RAP2A: variants seen among roughly 807,000 people sequenced by gnomAD.
RAP2A encodes the protein RAP2A, member of RAS oncogene family.
Under a neutral mutation model 15.1 loss-of-function variants are expected in RAP2A, and 5 were observed. The observed-to-expected ratio is 0.33, with a 90% CI of 0.17 to 0.70. The LOEUF is 0.70. Ranked by LOEUF, RAP2A falls within the 30% of genes least tolerant of loss-of-function variation. The probability of loss-of-function intolerance (pLI) is 0.68; values close to 1 mark genes in which losing one functional copy is unlikely to be tolerated. For synonymous variants in RAP2A, 110 were observed against 99.7 expected (o/e 1.10, Z -0.62); for missense variants, 111 against 240.3 (o/e 0.46, Z 3.56).
intron 1 of RAP2A, among the ~76,000 whole-genome samples, chr13:97,447,666 G>C (rs1181836625): frequency 6.6e-6 from 1 of 152,162 alleles, no homozygotes; most frequent in African/African-American, 2.4e-5. Flanking sequence ...ATCCAAAAAT[G>C]CGTTTTTAGC....
At chr13:97,445,527 T>C (rs978414514) in intron 1 of RAP2A, among the ~76,000 whole-genome samples, 2 of 152,238 alleles carry the variant, frequency 1.3e-5, no homozygotes, top group African/African-American at 4.8e-5. Flanking sequence ...ACCAATGATA[T>C]AAAACTTTTT....
intron 1 of RAP2A, among the ~76,000 whole-genome samples, chr13:97,447,087 A>T (rs1281591051): frequency 6.6e-6 from 1 of 152,208 alleles, no homozygotes; most frequent in East Asian, 1.9e-4. Context: ...AAAAAAATTT[A>T]TTGAAGATGA....
At chr13:97,450,781 A>G (rs2066699195) in intron 1 of RAP2A, among the ~76,000 whole-genome samples, 1 of 152,164 alleles carries the variant, frequency 6.6e-6, no homozygotes, top group Non-Finnish European at 1.5e-5. Context: ...CTGGCACTTT[A>G]CAGTGGAAAA....
rs1005505627 is a variant in RAP2A, at chr13:97,460,810, A to G, written c.315-3395A>G. On this transcript the variant is annotated intron_variant, in intron 1 of 1. Transcript: ENST00000245304. ...TCTGCTTTCCTAGGCCCCCATCACCATGGATGTTCAGCACAGGGACTCTGG... is the reference window on the plus strand; with the variant it reads ...TCTGCTTTCCTAGGCCCCCATCACCGTGGATGTTCAGCACAGGGACTCTGG... Among the ~76,000 whole-genome samples the G allele has an allele frequency of 2.0e-5, 3 of 152,140 alleles. No homozygotes were observed. The East Asian group carries it at 5.8e-4, about 30-fold the overall frequency.
In RAP2A at chr13:97,467,246, A is replaced by C. The variant is rs1455731298; in HGVS notation, c.*2804A>C. ...TAAACTGTGATAGTGATGGTAACTG[A>C]TGCCTTTCATTTTGTTCAACTTATA... On this transcript the variant is annotated 3_prime_UTR_variant, in exon 2 of 2. Transcript: ENST00000245304. 2 of 152,526 alleles carry C rather than the reference A, an allele frequency of 1.3e-5. No homozygotes were observed. The highest frequency in any genetic ancestry group is 4.8e-5 in the African/African-American group (2 of 41,420). The allele number at this position is 152,526 out of a possible 1,614,324, so 9.4% of individuals were successfully genotyped here. A position where few individuals can be genotyped will look rare whatever the true frequency, so the allele number is the denominator to read the frequency against.
chr13:97,452,225 T>C (rs1050245994), intron 1 of RAP2A, among the ~76,000 whole-genome samples: 6 of 151,368 alleles, frequency 4.0e-5, no homozygotes, highest in African/African-American at 1.5e-4. Flanking sequence ...TGAGGATCCA[T>C]TCTGCATATT....
At chr13:97,461,970 A>AT (rs1315214879) in intron 1 of RAP2A, among the ~76,000 whole-genome samples, 2,785 of 142,636 alleles carry the variant, frequency 0.02, 144 homozygotes, top group East Asian at 0.19. Flanking sequence ...CTCAAAAAAA[A>AT]AATATATATA....
chr13:97,436,023 C>T (rs984782869), intron 1 of RAP2A: 2 of 152,162 alleles, frequency 1.3e-5, no homozygotes, highest in African/African-American at 4.8e-5. Context: ...TTTAATGCAA[C>T]CTATGAGATC....
rs1308938495 is a variant in RAP2A at position 97,467,848 on chromosome 13, G to C, written c.*3406G>C. ...CTAATACAACTGACCATTTAAAATT[G>C]AACAAGTTTATTGTTTTGTAACAAT... On this transcript the variant is annotated 3_prime_UTR_variant, in exon 2 of 2. Coordinates refer to ENST00000245304, the MANE Select transcript of RAP2A (RefSeq NM_021033.7). The C allele has an allele frequency of 2.6e-5, 4 of 152,508 alleles. No homozygotes were observed. Among genetic ancestry groups the C allele is most frequent in the Non-Finnish European group, 5.9e-5 (4 of 68,012 alleles). 9.4% of individuals were successfully genotyped at this position (152,508 alleles called of 1,614,324 possible).
intron 1 of RAP2A, among the ~76,000 whole-genome samples, chr13:97,450,052 A>C (rs2066695997): frequency 6.6e-6 from 1 of 152,106 alleles, no homozygotes; most frequent in African/African-American, 2.4e-5. Flanking sequence ...ACAACAATAG[A>C]AAAATCTTGC....
chr13:97,445,993 T>C (rs1488453956), intron 1 of RAP2A, among the ~76,000 whole-genome samples: 2 of 152,246 alleles, frequency 1.3e-5, no homozygotes, highest in African/African-American at 2.4e-5. Flanking sequence ...TGCATCAGCA[T>C]ATCCTACTAA....
At chr13:97,460,345 G>A (rs992069284) in intron 1 of RAP2A, among the ~76,000 whole-genome samples, 1 of 152,212 alleles carries the variant, frequency 6.6e-6, no homozygotes, top group African/African-American at 2.4e-5. Context: ...CTGTGGGTGT[G>A]ACCCACCATG....
Position 97,439,224 on chromosome 13 carries a change from T to A in RAP2A, c.314+4440T>A, listed in dbSNP as rs141178529. On this transcript the variant is annotated intron_variant, in intron 1 of 1. Transcript: ENST00000245304. ...TGAAGGTTAAAGACTTAGGAGTTGA[T>A]CATGTAGTCAAGGACCATAATCACA... 6.2e-4 allele frequency among the ~76,000 whole-genome samples: 95 copies of A among 152,310 alleles called. No homozygotes were observed. In the East Asian group the frequency reaches 0.017, roughly 27 times the overall value.
At chr13:97,446,601 T>A (rs772824965) in intron 1 of RAP2A, among the ~76,000 whole-genome samples, 3 of 152,150 alleles carry the variant, frequency 2.0e-5, no homozygotes, top group Non-Finnish European at 4.4e-5. Context: ...ACCAAGCCAG[T>A]TTGGGGCCTA....
Position 97,466,166 on chromosome 13 carries a change from T to G in RAP2A, c.*1724T>G, listed in dbSNP as rs2066770280. On this transcript the variant is annotated 3_prime_UTR_variant, in exon 2 of 2. Coordinates refer to ENST00000245304, the MANE Select transcript of RAP2A (RefSeq NM_021033.7). ...TTTTATACTTTTATGAAATCATTGGTAGCCCCCCAAGTGTTTAATAACTGG... is the reference window on the plus strand; with the variant it reads ...TTTTATACTTTTATGAAATCATTGGGAGCCCCCCAAGTGTTTAATAACTGG... 6.6e-6 allele frequency: 1 copy of G among 151,222 alleles called. No homozygotes were observed. Among genetic ancestry groups the G allele is most frequent in the Admixed American group, 6.6e-5 (1 of 15,160 alleles). The allele number at this position is 151,222 out of a possible 1,614,324, so 9.4% of individuals were successfully genotyped here. A position where few individuals can be genotyped will look rare whatever the true frequency, so the allele number is the denominator to read the frequency against.
At chr13:97,448,984 A>G (rs976606989) in intron 1 of RAP2A, among the ~76,000 whole-genome samples, 2 of 152,120 alleles carry the variant, frequency 1.3e-5, no homozygotes, top group African/African-American at 2.4e-5. Flanking sequence ...CATAGGTCGC[A>G]TGTTATGGTA....
Position 97,434,602 on chromosome 13 carries a change from C to A in RAP2A, c.132C>A (p.Ile44=). 1 of 1,614,120 alleles carries A rather than the reference C, an allele frequency of 6.2e-7. No individual in the cohort carries two copies. Among genetic ancestry groups the A allele is most frequent in the South Asian group, 1.1e-5 (1 of 91,076 alleles). The change falls in exon 1 of 2, where the codon ATC becomes ATA. Residue 44 remains isoleucine (I), a synonymous_variant. Coordinates refer to ENST00000245304, the MANE Select transcript of RAP2A (RefSeq NM_021033.7). ...PTIEDFYRKE[I]EVDSSPSVLE... ...TCGAGGACTTCTACCGCAAGGAGAT[C>A]GAGGTGGATTCGTCGCCGTCGGTGC... is the stretch of plus-strand genomic sequence containing the variant.
chr13:97,434,334 G>T lies in RAP2A; in HGVS notation c.-137G>T, dbSNP rs1306215308. On this transcript the variant is annotated 5_prime_UTR_variant, in exon 1 of 2. Transcript: ENST00000245304. The stretch of plus-strand genomic sequence containing the variant: ...GCCGCCGCCGCCGCCGGCGCCCAGG[G>T]GGCCGCCGCGGCTGTGAGGTGGGGG... 3 of 654,790 alleles carry T rather than the reference G, an allele frequency of 4.6e-6. No homozygotes were observed. The highest frequency in any genetic ancestry group is 1.4e-4 in the East Asian group (1 of 7,112). 40.6% of individuals were successfully genotyped at this position (654,790 alleles called of 1,614,324 possible). A position where few individuals can be genotyped will look rare whatever the true frequency, so the allele number is the denominator to read the frequency against.
chr13:97,459,467 G>A lies in RAP2A; in HGVS notation c.315-4738G>A, dbSNP rs137904240. ...TTTTCTGAGGCCACTTTTGGCACCCGAATTCCTGAGGTCTAGCTTCAAATG... is the reference window on the plus strand; with the variant it reads ...TTTTCTGAGGCCACTTTTGGCACCCAAATTCCTGAGGTCTAGCTTCAAATG... On this transcript the variant is annotated intron_variant, in intron 1 of 1. Transcript: ENST00000245304. 1.8e-3 allele frequency among the ~76,000 whole-genome samples: 270 copies of A among 152,264 alleles called. 1 individual carries two copies. Among genetic ancestry groups the A allele is most frequent in the African/African-American group, 6.0e-3 (250 of 41,560 alleles).
Sources: gnomAD v4.1 joint callset for allele counts (sites outside exome capture counted in the v4.1 genomes callset) on GRCh38, gnomAD v4.1.1 for gene constraint, MANE v1.5 for transcripts, NCBI Gene and HGNC (gene_info 2026-07-23, HGNC 2026-07-21) for gene names.